The following ZZEF1 variants were observed in gnomAD, a reference collection of about 807,000 sequenced individuals.
ZZEF1 encodes the protein zinc finger ZZ-type and EF-hand domain-containing protein 1.
In ZZEF1, 157 loss-of-function variants were observed where a neutral mutation model predicts 342.8. That is an observed-to-expected ratio of 0.46 (90% CI 0.40 to 0.52). The LOEUF (loss-of-function observed/expected upper bound fraction) is 0.52. Among genes scored for constraint, ZZEF1 ranks in the 20% least tolerant of loss-of-function variants. ZZEF1 has a pLI of 0.00. For synonymous variants in ZZEF1, 1,505 were observed against 1,429.1 expected (o/e 1.05, Z -1.20); for missense variants, 3,480 against 3,725.6 (o/e 0.93, Z 1.72).
intron 23 of ZZEF1, 103 bp from the exon 24 acceptor site, chr17:4,074,454 C>T: frequency 8.1e-7 from 1 of 1,234,482 alleles, no homozygotes. Flanking sequence ...TAAAATTGAT[C>T]TCTATTTCCA....
At chr17:4,120,504 C>A (rs2058465987) in intron 2 of ZZEF1, among the ~76,000 whole-genome samples, 2 of 152,180 alleles carry the variant, frequency 1.3e-5, no homozygotes, top group South Asian at 2.1e-4. Flanking sequence ...AATCACAAGG[C>A]AAAGTCCCAT....
Position 4,088,719 on chromosome 17 carries a change from G to C in ZZEF1, c.2200C>G (p.Leu734Val), listed in dbSNP as rs202078085. ...EESVCGATLL[L>V]RTLQFIQQLA... ...TGCTGGATAAACTGAAGGGTCCTGA[G>C]GAGCAACGTGGCCCCACAGACACTC... The change falls in exon 13 of 55, where the codon CTC becomes GTC. Residue 734 changes from leucine (L) to valine (V), a missense_variant. Around this residue, in one of 5 missense-constraint regions of ZZEF1, gnomAD observed 1,528 missense variants for 1,624.1 expected, o/e 0.94. Coordinates refer to ENST00000381638, the MANE Select transcript of ZZEF1 (RefSeq NM_015113.4). The C allele has an allele frequency of 1.9e-6, 3 of 1,614,076 alleles. No individual in the cohort carries two copies. The African/African-American group carries it at 4.0e-5, about 22-fold the overall frequency.
In ZZEF1 at chr17:4,032,276, G is replaced by A; in HGVS notation, c.6760-18C>T. 1 of 1,603,266 alleles carries A rather than the reference G, an allele frequency of 6.2e-7. No individual in the cohort carries two copies. The highest frequency in any genetic ancestry group is 8.5e-7 in the Non-Finnish European group (1 of 1,176,888). On this transcript the variant is annotated intron_variant, in intron 41 of 54. Coordinates refer to ENST00000381638, the MANE Select transcript of ZZEF1 (RefSeq NM_015113.4). ...CAGAGGACCTAGAACGTGGTAGACA[G>A]AGACAGAAAGGCAACTCAAACATGG...
At chr17:4,095,803 G>A (rs755563154) in intron 11 of ZZEF1, 28 bp downstream of exon 11, 7 of 1,586,284 alleles carry the variant, frequency 4.4e-6, no homozygotes, top group Non-Finnish European at 6.0e-6. Context: ...GTAGATCTTT[G>A]TTCTACAAAG....
intron 37 of ZZEF1, among the ~76,000 whole-genome samples, chr17:4,047,461 T>C (rs1448778028): frequency 6.6e-6 from 1 of 151,576 alleles, no homozygotes; most frequent in Non-Finnish European, 1.5e-5. Context: ...CCGGGTAACA[T>C]GGCAAAACCC....
chr17:4,062,649 G>A, intron 30 of ZZEF1, 104 bp downstream of exon 30: 4 of 1,289,478 alleles, frequency 3.1e-6, no homozygotes, highest in Non-Finnish European at 1.0e-6. Flanking sequence ...ACGTACATTT[G>A]TATCCTACAT....
intron 15 of ZZEF1, 48 bp from the exon 16 acceptor site, chr17:4,085,851 G>A (rs1236111829): frequency 8.7e-6 from 14 of 1,605,086 alleles, no homozygotes; most frequent in Admixed American, 5.0e-5. Context: ...CCATCTATTC[G>A]CTTATACATC....
intron 53 of ZZEF1, 58 bp downstream of exon 53, chr17:4,009,546 C>A: frequency 6.2e-7 from 1 of 1,606,690 alleles, no homozygotes. Context: ...CCCTGGGTAG[C>A]AGAGGGAGCA....
chr17:4,032,175 C>T lies in ZZEF1; in HGVS notation c.6843G>A (p.Glu2281=). 1 of 1,614,054 alleles carries T rather than the reference C, an allele frequency of 6.2e-7. No homozygotes were observed. Among genetic ancestry groups the T allele is most frequent in the Admixed American group, 1.7e-5 (1 of 59,988 alleles). The stretch of plus-strand genomic sequence containing the variant: ...CATCAACAATCACAGCCCTGTTCTT[C>T]TCAGTAAAGTGCTTCAAGATGATCA... ...HNVIILKHFT[E]KNRAVIVDVK... The change falls in exon 42 of 55, where the codon GAG becomes GAA. Residue 2281 remains glutamate (E), a synonymous_variant. Coordinates refer to ENST00000381638, the MANE Select transcript of ZZEF1 (RefSeq NM_015113.4).
chr17:4,105,660 C>CA, intron 7 of ZZEF1, 33 bp downstream of exon 7: 1 of 1,494,378 alleles, frequency 6.7e-7, no homozygotes, highest in Non-Finnish European at 9.3e-7. Flanking sequence ...CTCCATTCCT[C>CA]ACAGAGTTTA....
At chr17:4,134,821 G>A (rs930130135) in intron 1 of ZZEF1, among the ~76,000 whole-genome samples, 2 of 152,104 alleles carry the variant, frequency 1.3e-5, no homozygotes, top group Admixed American at 6.5e-5. Context: ...GGCGTTAGGG[G>A]AAATGGCCCA....
chr17:4,112,933 T>G, intron 4 of ZZEF1, 125 bp from the exon 5 acceptor site: 1 of 782,622 alleles, frequency 1.3e-6, no homozygotes, highest in Non-Finnish European at 1.9e-6. Context: ...TAACAGCAAC[T>G]AACTTGAAAT....
chr17:4,010,735 AG>A (rs1567756858), intron 52 of ZZEF1, among the ~76,000 whole-genome samples: 36 of 147,466 alleles, frequency 2.4e-4, no homozygotes, highest in African/African-American at 8.3e-4. Flanking sequence ...AAAAAAAAAA[AG>A]AAAAAGAAAA....
Position 4,016,888 on chromosome 17 carries a change from A to G in ZZEF1, c.8002-422T>C. The G allele has an allele frequency of 5.2e-6, 1 of 192,602 alleles. No homozygotes were observed. Among genetic ancestry groups the G allele is most frequent in the South Asian group, 1.2e-4 (1 of 8,652 alleles). The allele number at this position is 192,602 out of a possible 1,614,324, so 11.9% of individuals were successfully genotyped here. On this transcript the variant is annotated intron_variant, in intron 48 of 54. Coordinates refer to ENST00000381638, the MANE Select transcript of ZZEF1 (RefSeq NM_015113.4). The surrounding 1 kb of genome is among the most constrained non-coding windows in gnomAD (Gnocchi z 4.4). ...ACACGCCTATGCAAGGGCCTAGTAGAGGCAGGGTGGCTCCCTCTGTCCCTT... is the reference window on the plus strand; with the variant it reads ...ACACGCCTATGCAAGGGCCTAGTAGGGGCAGGGTGGCTCCCTCTGTCCCTT...
intron 18 of ZZEF1, 21 bp downstream of exon 18, chr17:4,081,355 A>C: frequency 3.7e-6 from 6 of 1,600,324 alleles, no homozygotes; most frequent in Non-Finnish European, 5.1e-6. Flanking sequence ...CAAAGAAAAC[A>C]GGGAGGCAGC....
Position 4,042,488 on chromosome 17 carries a change from C to G in ZZEF1, c.6247G>C (p.Glu2083Gln), listed in dbSNP as rs1482391791. The G allele has an allele frequency of 6.2e-7, 1 of 1,614,008 alleles. No individual in the cohort carries two copies. Reference protein sequence around the residue: ...VTPSPEQVFAECSQKRILGLL... With the variant: ...VTPSPEQVFAQCSQKRILGLL... ...CCCAAAATCCTCTTCTGGGAACACT[C>G]AGCAAACACTTGCTCAGGGCTTGGA... Residue 2083 changes from glutamate to glutamine, a missense_variant, in exon 39 of 55, where the codon GAG becomes CAG. Coordinates refer to ENST00000381638, the MANE Select transcript of ZZEF1 (RefSeq NM_015113.4).
chr17:4,039,165 T>C (rs997352040), intron 39 of ZZEF1, among the ~76,000 whole-genome samples: 1 of 150,794 alleles, frequency 6.6e-6, no homozygotes, highest in Non-Finnish European at 1.5e-5. Flanking sequence ...AGATGGAGGG[T>C]AGATTCAAGG....
At chr17:4,097,134 G>A (rs140745447) in intron 9 of ZZEF1, among the ~76,000 whole-genome samples, 10,762 of 151,710 alleles carry the variant, frequency 0.071, 493 homozygotes, top group South Asian at 0.13. Flanking sequence ...GGTGGCGGGC[G>A]CCTGTAGTCC....
chr17:4,091,119 T>C (rs34540447), intron 11 of ZZEF1, among the ~76,000 whole-genome samples: 25,370 of 152,240 alleles, frequency 0.17, 2,178 homozygotes, highest in East Asian at 0.18. Context: ...AAGTCGGGCA[T>C]TGTGGATGAC....
Sources: gnomAD v4.1 joint callset for allele counts (sites outside exome capture counted in the v4.1 genomes callset) on GRCh38, gnomAD v4.1.1 for gene constraint, gnomAD v4.1.1 regional missense constraint, Gnocchi (gnomAD v3.1) non-coding constraint, MANE v1.5 for transcripts, NCBI Gene and HGNC (gene_info 2026-07-23, HGNC 2026-07-21) for gene names.